Variants in KIF13A observed in about 807,000 individuals in gnomAD.
KIF13A encodes the protein kinesin family member 13A, also known as kinesin-like protein KIF13A.
A neutral mutation model predicts 212.2 loss-of-function variants in KIF13A; 79 were observed. That is an observed-to-expected ratio of 0.37 (90% CI 0.31 to 0.45). The LOEUF (loss-of-function observed/expected upper bound fraction) is 0.45, where lower values mean the gene tolerates loss of function less well. KIF13A is among the 20% of genes least tolerant of loss of function. KIF13A has a pLI of 1.00. For missense variants in KIF13A, 1,901 were observed against 2,209.0 expected, an observed-to-expected ratio of 0.86 and a Z score of 2.79; for synonymous variants, 789 against 808.6, an observed-to-expected ratio of 0.98 and a Z score of 0.41.
intron 4 of KIF13A, among the ~76,000 whole-genome samples, chr6:17,869,748 C>T (rs1015984211): frequency 7.9e-5 from 12 of 152,216 alleles, no homozygotes; most frequent in African/African-American, 2.7e-4. Context: ...CATTTTGACA[C>T]ACCACACAAA....
rs1762356543 is a variant in KIF13A, at chr6:17,800,088, A to G, written c.2480T>C (p.Val827Ala). ...TGGAACAGCTCCTGTAACACGCATC[A>G]CTTCCACGTGGAGACGCCCTGCAAC... ...GEVAGRLHVE[V>A]MRVTGAVPER... The change falls in exon 21 of 39, where the codon GTG (valine) becomes GCG (alanine). Residue 827 changes from valine (V) to alanine (A), a missense_variant. Physicochemically the swap from Val to Ala is moderately conservative, Grantham distance 64 (BLOSUM62 0). Coordinates refer to ENST00000259711, the MANE Select transcript of KIF13A (RefSeq NM_022113.6). 1.2e-6 allele frequency: 2 copies of G among 1,613,794 alleles called. No homozygotes were observed.
Position 17,871,840 on chromosome 6 carries a change from G to A in KIF13A, c.220+1537C>T, listed in dbSNP as rs548435703. ...TCTTGAGTAACATAAATTGAACACG[G>A]TTAATGACGGGTTTGTATAACCATA... On this transcript the variant is annotated intron_variant, in intron 4 of 38. Transcript: ENST00000259711. The surrounding 1 kb of genome is among the most constrained non-coding windows in gnomAD (Gnocchi z 4.4). Among the ~76,000 whole-genome samples the A allele has an allele frequency of 6.6e-6, 1 of 152,164 alleles. No individual in the cohort carries two copies. The highest frequency in any genetic ancestry group is 1.5e-5 in the Non-Finnish European group (1 of 68,028).
At chr6:17,762,958 A>C (rs1758654533), downstream of KIF13A, among the ~76,000 whole-genome samples, 1 of 152,168 alleles carries the variant, frequency 6.6e-6, no homozygotes, top group South Asian at 2.1e-4. Flanking sequence ...TAGCAGCATG[A>C]TTATTTTACT....
Position 17,773,257 on chromosome 6 carries a change from C to T in KIF13A, c.4324+221G>A, listed in dbSNP as rs4716182. Among the ~76,000 whole-genome samples, 112,305 of 152,090 alleles carry T rather than the reference C, an allele frequency of 0.74. 41,551 individuals are homozygous for T. The highest frequency in any genetic ancestry group is 0.79 in the East Asian group (4,083 of 5,182). On this transcript the variant is annotated intron_variant, in intron 36 of 38. Transcript: ENST00000259711. The surrounding 1 kb of genome is among the most constrained non-coding windows in gnomAD (Gnocchi z 4.2). ...ATGATTCAGAAGTTCTAAAGTAATA[C>T]ACAAAAAGTCTATGATTATTTGGGT...
intron 9 of KIF13A, among the ~76,000 whole-genome samples, chr6:17,840,307 TAC>T: frequency 6.6e-6 from 1 of 152,242 alleles, no homozygotes; most frequent in East Asian, 1.9e-4. Flanking sequence ...ATGAAAAAAA[TAC>T]TGTATGTGAT....
chr6:17,859,418 C>A (rs570841661), intron 4 of KIF13A, among the ~76,000 whole-genome samples: 40 of 149,256 alleles, frequency 2.7e-4, no homozygotes, highest in African/African-American at 9.8e-4. Flanking sequence ...GCCTGGCCAA[C>A]AAAGTGAGAC....
At position 17,872,567 on chromosome 6, in the gene KIF13A, A is replaced by C. The variant is rs1197100679; in HGVS notation, c.220+810T>G. ...TTAATTAGCTCAATTTAGCCATTCC[A>C]TAATATATACATATTTCAAAACATC... On this transcript the variant is annotated intron_variant, in intron 4 of 38. Coordinates refer to ENST00000259711, the MANE Select transcript of KIF13A (RefSeq NM_022113.6). The surrounding 1 kb of genome is among the most constrained non-coding windows in gnomAD (Gnocchi z 4.7). Among the ~76,000 whole-genome samples the C allele has an allele frequency of 6.6e-6, 1 of 152,268 alleles. No homozygotes were observed. Among genetic ancestry groups the C allele is most frequent in the Non-Finnish European group, 1.5e-5 (1 of 68,050 alleles).
At chr6:17,893,947 C>G (rs148344698) in intron 3 of KIF13A, among the ~76,000 whole-genome samples, 2,587 of 143,710 alleles carry the variant, frequency 0.018, 82 homozygotes, top group African/African-American at 0.062. Context: ...TCAAGTGATT[C>G]TCCTGTCTCA....
rs562381232 is a variant in KIF13A, at chr6:17,953,129, C to CATATA, written c.146+33920_146+33924dup. ...TTAAGCAAAGAAATTATCATTCATC[C>CATATA]ATATAATATAATATAGCAATTAAAA... On this transcript the variant is annotated intron_variant, in intron 2 of 38. Coordinates refer to ENST00000259711, the MANE Select transcript of KIF13A (RefSeq NM_022113.6). 2.0e-3 allele frequency among the ~76,000 whole-genome samples: 302 copies of CATATA among 152,142 alleles called. 1 individual carries two copies. Among genetic ancestry groups the CATATA allele is most frequent in the African/African-American group, 6.9e-3 (287 of 41,514 alleles).
At chr6:17,761,749 C>T (rs550167983), downstream of KIF13A, among the ~76,000 whole-genome samples, 382 of 152,272 alleles carry the variant, frequency 2.5e-3, 8 homozygotes, top group African/African-American at 9.0e-3. Context: ...TTGTAAATTT[C>T]ACTTTAAACC....
intron 16 of KIF13A, among the ~76,000 whole-genome samples, chr6:17,823,478 C>CT (rs1238413186): frequency 1.6e-5 from 2 of 127,968 alleles, no homozygotes; most frequent in East Asian, 5.3e-4. Context: ...TCTTTCCTTT[C>CT]TTTTTTTGAA....
At chr6:17,869,019 A>AAAAAAAACAAAAAAAAAAAAAAAAC (rs1554187445) in intron 4 of KIF13A, among the ~76,000 whole-genome samples, 1 of 126,598 alleles carries the variant, frequency 7.9e-6, no homozygotes, top group African/African-American at 2.9e-5. Context: ...AAAAAAAAAA[A>AAAAAAAACAAAAAAAAAAAAAAAAC]ACACAAATAA....
chr6:17,842,440 T>C (rs900757895), intron 9 of KIF13A, among the ~76,000 whole-genome samples: 9 of 152,120 alleles, frequency 5.9e-5, no homozygotes, highest in African/African-American at 2.2e-4. Context: ...AATACTGTCT[T>C]CTCAAGCTGG....
intron 3 of KIF13A, among the ~76,000 whole-genome samples, chr6:17,874,398 C>T (rs1367521132): frequency 6.6e-6 from 1 of 151,844 alleles, no homozygotes; most frequent in Non-Finnish European, 1.5e-5. Context: ...TAGTATTTGG[C>T]ATGTCTTTTA....
chr6:17,973,961 T>C (rs1780045034), intron 2 of KIF13A, among the ~76,000 whole-genome samples: 1 of 152,214 alleles, frequency 6.6e-6, no homozygotes, highest in African/African-American at 2.4e-5. Flanking sequence ...GGCAAGTACT[T>C]TGCATTTAGA....
chr6:17,940,232 A>G (rs1188609667), intron 2 of KIF13A, among the ~76,000 whole-genome samples: 1 of 151,552 alleles, frequency 6.6e-6, no homozygotes. Flanking sequence ...TTGAAGGTAC[A>G]TCAGCACAAT....
Position 17,895,299 on chromosome 6 carries a change from C to T in KIF13A, c.159+2869G>A, listed in dbSNP as rs1177829611. Among the ~76,000 whole-genome samples the T allele has an allele frequency of 6.6e-6, 1 of 152,170 alleles. No homozygotes were observed. Among genetic ancestry groups the T allele is most frequent in the Non-Finnish European group, 1.5e-5 (1 of 68,026 alleles). ...TTTATTATTTCTGTTGGCTCTTGTT[C>T]ATGTCACATCTTGTCATGTACCTCC... On this transcript the variant is annotated intron_variant, in intron 3 of 38. Transcript: ENST00000259711. The surrounding 1 kb of genome is among the most constrained non-coding windows in gnomAD (Gnocchi z 4.4).
chr6:17,954,945 C>T (rs542553667), intron 2 of KIF13A, among the ~76,000 whole-genome samples: 2 of 152,308 alleles, frequency 1.3e-5, no homozygotes, highest in South Asian at 4.1e-4. Context: ...TCCTAAAGCA[C>T]TGGCATTACA....
In KIF13A at chr6:17,839,169, C is replaced by T. The variant is rs548188099; in HGVS notation, c.831-1586G>A. On this transcript the variant is annotated intron_variant, in intron 9 of 38. Coordinates refer to ENST00000259711, the MANE Select transcript of KIF13A (RefSeq NM_022113.6). The surrounding 1 kb of genome is among the most constrained non-coding windows in gnomAD (Gnocchi z 4.3). ...AGTACAATGTATGTTATTCAGGTGA[C>T]GGATACCTTAAAAGCCCCGACTTGA... is the stretch of plus-strand genomic sequence containing the variant. Among the ~76,000 whole-genome samples, 1 of 152,232 alleles carries T rather than the reference C, an allele frequency of 6.6e-6. No individual in the cohort carries two copies. The highest frequency in any genetic ancestry group is 2.1e-4 in the South Asian group (1 of 4,822).
Sources: gnomAD v4.1 joint callset for allele counts (sites outside exome capture counted in the v4.1 genomes callset) on GRCh38, gnomAD v4.1.1 for gene constraint, Gnocchi (gnomAD v3.1) non-coding constraint, MANE v1.5 for transcripts, NCBI Gene and HGNC (gene_info 2026-07-23, HGNC 2026-07-21) for gene names.